Variants in STXBP5L observed in about 807,000 individuals in gnomAD.
STXBP5L encodes syntaxin binding protein 5L, also known as syntaxin-binding protein 5-like.
In STXBP5L, 65 loss-of-function variants were observed where a neutral mutation model predicts 144.5. That is an observed-to-expected ratio of 0.45 (90% CI 0.37 to 0.55). The LOEUF (loss-of-function observed/expected upper bound fraction) is 0.55. Among genes scored for constraint, STXBP5L ranks in the 20% least tolerant of loss-of-function variants. The pLI is 0.00. For synonymous variants in STXBP5L, 505 were observed against 469.6 expected, an observed-to-expected ratio of 1.08 and a Z score of -0.97; for missense variants, 1,298 against 1,405.5, an observed-to-expected ratio of 0.92 and a Z score of 1.22.
intron 5 of STXBP5L, among the ~76,000 whole-genome samples, chr3:121,095,885 T>C (rs2043096236): frequency 6.6e-6 from 1 of 152,176 alleles, no homozygotes; most frequent in African/African-American, 2.4e-5. Context: ...TATTTAGCTT[T>C]TCCCCTCTGT....
At chr3:121,262,769 A>G (rs927898837) in intron 18 of STXBP5L, among the ~76,000 whole-genome samples, 5 of 152,224 alleles carry the variant, frequency 3.3e-5, no homozygotes, top group Non-Finnish European at 7.3e-5. Flanking sequence ...CAAGGTAAAC[A>G]TACCCATTCT....
intron 15 of STXBP5L, among the ~76,000 whole-genome samples, 159 bp downstream of exon 15, chr3:121,250,922 T>G (rs566894246): frequency 6.6e-6 from 1 of 152,290 alleles, no homozygotes; most frequent in African/African-American, 2.4e-5. Flanking sequence ...TTAGATCAGT[T>G]GAAAGTATTA....
intron 9 of STXBP5L, among the ~76,000 whole-genome samples, chr3:121,183,973 C>G (rs1294054014): frequency 6.6e-6 from 1 of 151,948 alleles, no homozygotes; most frequent in Non-Finnish European, 1.5e-5. Flanking sequence ...GAAGAGGGGC[C>G]TGGCTGTTAG....
intron 11 of STXBP5L, among the ~76,000 whole-genome samples, chr3:121,225,144 C>T (rs1223782898): frequency 6.6e-6 from 1 of 151,962 alleles, no homozygotes; most frequent in Non-Finnish European, 1.5e-5. Context: ...GGTTTCTGAC[C>T]ATATATCCAC....
At chr3:121,414,634 G>A (rs1275648166) in intron 24 of STXBP5L, among the ~76,000 whole-genome samples, 1 of 152,238 alleles carries the variant, frequency 6.6e-6, no homozygotes, top group Non-Finnish European at 1.5e-5. Flanking sequence ...ACTTTAGACA[G>A]AAGTAGTGGC....
Position 121,122,412 on chromosome 3 carries a change from T to G in STXBP5L, c.669+708T>G, listed in dbSNP as rs575733994. On this transcript the variant is annotated intron_variant, in intron 7 of 26. Coordinates refer to ENST00000471454, the MANE Select transcript of STXBP5L (RefSeq NM_001308330.2). ...TCCAATCAGGTGCCGTCAGAGTTTA[T>G]TTTTTAAGAATTCAAAAGGTGATTT... Among the ~76,000 whole-genome samples the G allele has an allele frequency of 2.6e-5, 4 of 151,300 alleles. No homozygotes were observed. In the East Asian group the frequency reaches 7.7e-4, roughly 29 times the overall value.
chr3:121,094,907 G>A (rs1313650403), intron 5 of STXBP5L, among the ~76,000 whole-genome samples: 2 of 152,022 alleles, frequency 1.3e-5, no homozygotes, highest in African/African-American at 4.8e-5. Context: ...GCAGCGGCTG[G>A]TACTGGTTGT....
chr3:121,338,365 C>T (rs1043619519), intron 20 of STXBP5L, among the ~76,000 whole-genome samples: 1 of 151,788 alleles, frequency 6.6e-6, no homozygotes, highest in Non-Finnish European at 1.5e-5. Flanking sequence ...AATGGATGGC[C>T]AGGTGCGGTG....
chr3:121,374,886 T>C (rs183837639), intron 20 of STXBP5L, among the ~76,000 whole-genome samples: 213 of 152,152 alleles, frequency 1.4e-3, no homozygotes, highest in African/African-American at 4.7e-3. Context: ...ATTTTAGAAG[T>C]TGCAGAAAGA....
chr3:121,399,742 C>T (rs2046824538), intron 22 of STXBP5L, among the ~76,000 whole-genome samples: 1 of 152,220 alleles, frequency 6.6e-6, no homozygotes, highest in Non-Finnish European at 1.5e-5. Flanking sequence ...TCCTTGCCCT[C>T]ATTCTGGTAA....
At chr3:121,034,068 T>C (rs575231471) in intron 3 of STXBP5L, among the ~76,000 whole-genome samples, 4 of 152,242 alleles carry the variant, frequency 2.6e-5, no homozygotes, top group Admixed American at 6.6e-5. Flanking sequence ...ATCTATAATA[T>C]GCCACTCTCT....
chr3:121,369,022 C>A (rs1054147496), intron 20 of STXBP5L, among the ~76,000 whole-genome samples: 1 of 152,126 alleles, frequency 6.6e-6, no homozygotes, highest in Non-Finnish European at 1.5e-5. Flanking sequence ...GATCAGGACA[C>A]AAATCCCTGA....
In STXBP5L at chr3:121,205,929, G is replaced by T. The variant is rs775734500; in HGVS notation, c.884G>T (p.Ser295Ile). Residue 295 changes from serine (S) to isoleucine (I), a missense_variant, in exon 10 of 27, where the codon AGT (serine) becomes ATT (isoleucine). Ser to Ile is a moderately radical substitution (Grantham distance 142). Coordinates refer to ENST00000471454, the MANE Select transcript of STXBP5L (RefSeq NM_001308330.2). ...AAATATTTTTTTTCTTTAGGAAAAA[G>T]TCAAAGAGAAGGAAGAAAATCTGAA... ...PFQTTIPHGK[S>I]QREGRKSESC... 2.7e-6 allele frequency: 4 copies of T among 1,493,768 alleles called. No homozygotes were observed. In the Admixed American group the frequency reaches 9.4e-5, roughly 35 times the overall value. The allele number at this position is 1,493,768 out of a possible 1,614,324, so 92.5% of individuals were successfully genotyped here. A position where few individuals can be genotyped will look rare whatever the true frequency, so the allele number is the denominator to read the frequency against.
At chr3:121,027,634 GTC>G (rs1399041297) in intron 3 of STXBP5L, among the ~76,000 whole-genome samples, 6 of 151,992 alleles carry the variant, frequency 3.9e-5, no homozygotes, top group Non-Finnish European at 1.5e-5. Flanking sequence ...AACTCCCTGT[GTC>G]TTTTTTTGTT....
intron 2 of STXBP5L, among the ~76,000 whole-genome samples, chr3:120,915,086 G>A (rs1306984976): frequency 1.3e-5 from 2 of 152,072 alleles, no homozygotes; most frequent in African/African-American, 2.4e-5. Context: ...AGCAAATTGG[G>A]TTGTTGGTCT....
At chr3:121,372,569 C>T (rs371272462) in intron 20 of STXBP5L, among the ~76,000 whole-genome samples, 76 of 152,306 alleles carry the variant, frequency 5.0e-4, no homozygotes, top group African/African-American at 1.8e-3. Context: ...CAACTCACCC[C>T]TTTTGCAGGA....
intron 3 of STXBP5L, among the ~76,000 whole-genome samples, chr3:120,979,589 G>C (rs994608551): frequency 3.3e-5 from 5 of 152,134 alleles, no homozygotes; most frequent in Non-Finnish European, 7.3e-5. Context: ...TCCCTAGTGA[G>C]ATGAACCCGG....
intron 7 of STXBP5L, among the ~76,000 whole-genome samples, chr3:121,148,396 A>G (rs1007012801): frequency 2.6e-5 from 4 of 152,140 alleles, no homozygotes; most frequent in Admixed American, 2.0e-4. Flanking sequence ...CAATAAAAAT[A>G]GCTAATAAGC....
At chr3:121,167,064 A>G (rs1248763407) in intron 9 of STXBP5L, among the ~76,000 whole-genome samples, 1 of 152,220 alleles carries the variant, frequency 6.6e-6, no homozygotes, top group Admixed American at 6.5e-5. Context: ...TTCTGAAATA[A>G]AGGAGGATAT....
Sources: gnomAD v4.1 joint callset for allele counts (sites outside exome capture counted in the v4.1 genomes callset) on GRCh38, gnomAD v4.1.1 for gene constraint, MANE v1.5 for transcripts, NCBI Gene and HGNC (gene_info 2026-07-23, HGNC 2026-07-21) for gene names.